Variants in SMAP1 observed in about 807,000 individuals in gnomAD.
SMAP1 encodes the protein small ArfGAP 1.
In SMAP1, 24 loss-of-function variants were observed where a neutral mutation model predicts 58.5. The observed-to-expected ratio is 0.41, with a 90% confidence interval of 0.30 to 0.58. SMAP1 has a LOEUF of 0.58. Among genes scored for constraint, SMAP1 ranks in the 20% least tolerant of loss-of-function variants. The probability of loss-of-function intolerance (pLI) is 0.29; values close to 1 mark genes in which losing one functional copy is unlikely to be tolerated. For missense variants in SMAP1, 563 were observed against 566.3 expected, an observed-to-expected ratio of 0.99 and a Z score of 0.06; for synonymous variants, 216 against 196.6, an observed-to-expected ratio of 1.10 and a Z score of -0.82.
At chr6:70,739,312 CATAA>C (rs1765727428) in intron 2 of SMAP1, among the ~76,000 whole-genome samples, 2 of 152,052 alleles carry the variant, frequency 1.3e-5, no homozygotes, top group African/African-American at 2.4e-5. Flanking sequence ...AGAAGAGAAA[CATAA>C]ATAAAATATA....
In SMAP1 at chr6:70,860,406, T is replaced by G; in HGVS notation, c.*72T>G. 6.6e-7 allele frequency: 1 copy of G among 1,520,610 alleles called. No homozygotes were observed. Among genetic ancestry groups the G allele is most frequent in the Middle Eastern group, 1.8e-4 (1 of 5,658 alleles). The allele number at this position is 1,520,610 out of a possible 1,614,324, so 94.2% of individuals were successfully genotyped here. ...GCTGAAACGCATCTAGTTCCCCTGT[T>G]TATTCATATGCATATTTTTTTTCTT... On this transcript the variant is annotated 3_prime_UTR_variant, in exon 11 of 11. Coordinates refer to ENST00000370455, the MANE Select transcript of SMAP1 (RefSeq NM_001044305.3).
At chr6:70,768,972 A>G (rs1167725586) in intron 3 of SMAP1, among the ~76,000 whole-genome samples, 1 of 152,070 alleles carries the variant, frequency 6.6e-6, no homozygotes, top group Non-Finnish European at 1.5e-5. Flanking sequence ...GTTGGTTTCA[A>G]AGAACATCTT....
chr6:70,744,184 T>G (rs914982949), intron 2 of SMAP1, among the ~76,000 whole-genome samples: 4 of 151,940 alleles, frequency 2.6e-5, no homozygotes, highest in Admixed American at 6.6e-5. Context: ...TTTTTTTTTT[T>G]TTGTTATACT....
At chr6:70,833,387 C>T (rs1323652654) in intron 6 of SMAP1, among the ~76,000 whole-genome samples, 2 of 152,168 alleles carry the variant, frequency 1.3e-5, no homozygotes, top group South Asian at 2.1e-4. Context: ...GTTCAGGTTA[C>T]GGCCTCCACA....
intron 3 of SMAP1, among the ~76,000 whole-genome samples, chr6:70,761,441 A>T (rs537649505): frequency 6.6e-6 from 1 of 152,044 alleles, no homozygotes; most frequent in African/African-American, 2.4e-5. Flanking sequence ...TTATTGATCT[A>T]TGTCAGTATA....
intron 3 of SMAP1, among the ~76,000 whole-genome samples, chr6:70,761,951 T>C (rs1766762882): frequency 6.6e-6 from 1 of 152,120 alleles, no homozygotes; most frequent in South Asian, 2.1e-4. Context: ...CTATCTTTTT[T>C]ACATATCTAG....
At chr6:70,771,545 C>A (rs1443459330) in intron 3 of SMAP1, among the ~76,000 whole-genome samples, 1 of 152,206 alleles carries the variant, frequency 6.6e-6, no homozygotes, top group African/African-American at 2.4e-5. Flanking sequence ...GGGCGTAGGA[C>A]CCTCCGAGCC....
At chr6:70,796,645 G>A (rs1353839554) in intron 5 of SMAP1, among the ~76,000 whole-genome samples, 2 of 152,128 alleles carry the variant, frequency 1.3e-5, no homozygotes, top group Non-Finnish European at 2.9e-5. Context: ...TAAAGCCCAG[G>A]CACTTGAGTA....
rs1038898049 is a variant in SMAP1 at position 70,856,993 on chromosome 6, G to A, written c.924G>A (p.Leu308=). Residue 308 remains leucine (L), a synonymous_variant, in exon 9 of 11, where the codon CTG becomes CTA. Transcript: ENST00000370455. ...KQLSKDSILS[L]YGTGTIQQQS... ...TTTCCAAAGACTCCATCTTATCTCT[G>A]TATGGCACAGGAACCATTCAACAGC... 2 of 1,613,830 alleles carry A rather than the reference G, an allele frequency of 1.2e-6. No homozygotes were observed. Among genetic ancestry groups the A allele is most frequent in the Non-Finnish European group, 1.7e-6 (2 of 1,179,818 alleles).
At chr6:70,689,983 C>T (rs1378744717) in intron 1 of SMAP1, among the ~76,000 whole-genome samples, 2 of 152,118 alleles carry the variant, frequency 1.3e-5, no homozygotes, top group African/African-American at 2.4e-5. Context: ...CCTACCTAGA[C>T]AATTATCATC....
intron 1 of SMAP1, among the ~76,000 whole-genome samples, chr6:70,702,833 TG>T (rs1767689978): frequency 6.6e-6 from 1 of 152,110 alleles, no homozygotes; most frequent in African/African-American, 2.4e-5. Flanking sequence ...GTCTTGGCCC[TG>T]TTGCCCAGGC....
At chr6:70,741,710 G>A (rs1381780610) in intron 2 of SMAP1, among the ~76,000 whole-genome samples, 6 of 152,190 alleles carry the variant, frequency 3.9e-5, no homozygotes, top group Admixed American at 3.9e-4. Flanking sequence ...GTGGGGGCTT[G>A]CATGACACAT....
intron 6 of SMAP1, among the ~76,000 whole-genome samples, chr6:70,810,016 A>G (rs1342837532): frequency 6.6e-6 from 1 of 152,206 alleles, no homozygotes; most frequent in Non-Finnish European, 1.5e-5. Context: ...GAGGCATTAA[A>G]AAAGAAAAAA....
chr6:70,785,825 A>C (rs989375006), intron 4 of SMAP1, among the ~76,000 whole-genome samples: 4 of 152,230 alleles, frequency 2.6e-5, no homozygotes, highest in African/African-American at 9.6e-5. Context: ...TTACCAACCA[A>C]AAAGAGTTCA....
intron 1 of SMAP1, among the ~76,000 whole-genome samples, chr6:70,668,349 G>A (rs1463100462): frequency 6.6e-6 from 1 of 152,154 alleles, no homozygotes; most frequent in African/African-American, 2.4e-5. Flanking sequence ...AGGCCCGCAG[G>A]CCCTGTCAGT....
intron 1 of SMAP1, among the ~76,000 whole-genome samples, chr6:70,672,284 C>T (rs1766300310): frequency 6.6e-6 from 1 of 152,158 alleles, no homozygotes; most frequent in South Asian, 2.1e-4. Flanking sequence ...TTGACTTTTG[C>T]CCATTGGTGG....
intron 1 of SMAP1, chr6:70,668,396 G>A: frequency 1.0e-6 from 1 of 970,214 alleles, no homozygotes; most frequent in Non-Finnish European, 1.4e-6. Context: ...ACGGGTTTGA[G>A]CAGGTGCCAG....
intron 1 of SMAP1, among the ~76,000 whole-genome samples, chr6:70,726,227 T>C (rs1386711399): frequency 1.3e-5 from 2 of 152,216 alleles, no homozygotes; most frequent in Non-Finnish European, 2.9e-5. Context: ...AGATGGTAGT[T>C]TCCTCTAAAA....
intron 3 of SMAP1, among the ~76,000 whole-genome samples, chr6:70,755,558 G>T (rs1408681258): frequency 6.6e-6 from 1 of 151,966 alleles, no homozygotes; most frequent in East Asian, 1.9e-4. Flanking sequence ...GCTAGGCTAG[G>T]CTATGTTTGG....
Sources: allele counts gnomAD v4.1 joint callset (sites outside exome capture counted in the v4.1 genomes callset), GRCh38; gene constraint gnomAD v4.1.1; transcripts MANE v1.5; gene names NCBI Gene and HGNC (gene_info 2026-07-23, HGNC 2026-07-21).